The following TRHDE variants were observed in gnomAD, a reference collection of about 807,000 sequenced individuals.
TRHDE encodes the protein thyrotropin releasing hormone degrading enzyme, also known as thyrotropin-releasing hormone-degrading ectoenzyme.
In TRHDE, 72 loss-of-function variants were observed where a neutral mutation model predicts 125.7. The observed-to-expected ratio is 0.57, with a 90% confidence interval of 0.47 to 0.70. The LOEUF is 0.70. Among genes scored for constraint, TRHDE ranks in the 30% least tolerant of loss-of-function variants. The pLI is 0.00. For missense variants in TRHDE, 1,110 were observed against 1,327.1 expected (o/e 0.84, Z 2.54); for synonymous variants, 509 against 509.1 (o/e 1.00, Z 0.00).
chr12:72,087,878 C>T (rs994403532), intron 1 of TRHDE, among the ~76,000 whole-genome samples: 4 of 151,972 alleles, frequency 2.6e-5, no homozygotes, highest in African/African-American at 7.3e-5. Context: ...ATTTACCAGC[C>T]GAGGTGTAGG....
chr12:72,137,429 G>A (rs73135427), intron 2 of TRHDE: 3,710 of 152,262 alleles, frequency 0.024, 65 homozygotes, highest in Non-Finnish European at 0.04. Context: ...CCAGACTGGG[G>A]CTGAGAGCCT....
At position 72,620,729 on chromosome 12, in the gene TRHDE, G is replaced by A. The variant is rs181234596; in HGVS notation, c.2470-379G>A. ...AATATGCCTTGTTGATATAAAATGC[G>A]TAAATATTAGATGTCCATTTTCATA... On this transcript the variant is annotated intron_variant, in intron 13 of 18. Coordinates refer to ENST00000261180, the MANE Select transcript of TRHDE (RefSeq NM_013381.3). Among the ~76,000 whole-genome samples the A allele has an allele frequency of 1.1e-3, 162 of 152,116 alleles. 1 individual carries two copies. The highest frequency in any genetic ancestry group is 1.4e-3 in the Non-Finnish European group (97 of 67,996).
At chr12:72,156,425 C>G (rs1404968225) in intron 2 of TRHDE, among the ~76,000 whole-genome samples, 1 of 152,198 alleles carries the variant, frequency 6.6e-6, no homozygotes, top group Non-Finnish European at 1.5e-5. Flanking sequence ...CCGACATTCC[C>G]CAGTGAGATG....
intron 18 of TRHDE, among the ~76,000 whole-genome samples, chr12:72,661,181 C>T (rs9783519): frequency 6.6e-6 from 1 of 152,138 alleles, no homozygotes; most frequent in Non-Finnish European, 1.5e-5. Context: ...GTTGAGAGTT[C>T]TTTTGCAGGA....
At chr12:72,519,857 C>T (rs1879090594) in intron 6 of TRHDE, among the ~76,000 whole-genome samples, 1 of 152,188 alleles carries the variant, frequency 6.6e-6, no homozygotes, top group South Asian at 2.1e-4. Flanking sequence ...AGTTTTCCTT[C>T]TAACAGACAG....
At chr12:72,616,776 T>C (rs1273551386) in intron 12 of TRHDE, among the ~76,000 whole-genome samples, 1 of 152,128 alleles carries the variant, frequency 6.6e-6, no homozygotes. Context: ...ACATTACTTT[T>C]CTTATTTAAC....
chr12:72,119,418 A>G (rs769760482), intron 2 of TRHDE, among the ~76,000 whole-genome samples: 5 of 152,098 alleles, frequency 3.3e-5, no homozygotes, highest in Non-Finnish European at 7.4e-5. Flanking sequence ...TACTATTTGA[A>G]TTTTTTGAAT....
chr12:72,422,711 T>G (rs1437766139), intron 3 of TRHDE, among the ~76,000 whole-genome samples: 1 of 152,170 alleles, frequency 6.6e-6, no homozygotes, highest in Non-Finnish European at 1.5e-5. Context: ...TTTACTTAGA[T>G]TGGTCCTTTG....
chr12:72,198,841 C>T (rs540286771), intron 2 of TRHDE, among the ~76,000 whole-genome samples: 19 of 152,150 alleles, frequency 1.2e-4, no homozygotes, highest in Non-Finnish European at 2.5e-4. Context: ...TTAATTGACT[C>T]ACAGTTCTGC....
chr12:72,421,032 G>A (rs1027652392), intron 3 of TRHDE, among the ~76,000 whole-genome samples: 3 of 151,298 alleles, frequency 2.0e-5, no homozygotes, highest in African/African-American at 7.3e-5. Context: ...GCAGTGGCGC[G>A]ATCTCAGCTC....
intron 2 of TRHDE, among the ~76,000 whole-genome samples, chr12:72,189,418 T>C (rs1236040025): frequency 6.6e-6 from 1 of 152,182 alleles, no homozygotes; most frequent in Non-Finnish European, 1.5e-5. Context: ...CCTCCAACTT[T>C]CCTGCTTCTC....
chr12:72,499,170 A>G (rs1290390012), intron 5 of TRHDE, among the ~76,000 whole-genome samples: 1 of 152,160 alleles, frequency 6.6e-6, no homozygotes, highest in East Asian at 1.9e-4. Flanking sequence ...AAAATGCACA[A>G]ATAAGTCTGC....
intron 3 of TRHDE, among the ~76,000 whole-genome samples, chr12:72,437,680 T>G (rs1219629176): frequency 2.6e-5 from 4 of 151,862 alleles, no homozygotes; most frequent in African/African-American, 9.7e-5. Context: ...TGCAATTGCA[T>G]GTATTTATCA....
intron 2 of TRHDE, among the ~76,000 whole-genome samples, chr12:72,165,540 G>C (rs1333335568): frequency 6.6e-6 from 1 of 151,872 alleles, no homozygotes; most frequent in Non-Finnish European, 1.5e-5. Flanking sequence ...TTTTTTGGTA[G>C]ATTTATGTGT....
At chr12:72,146,148 T>C (rs1876221957) in intron 2 of TRHDE, among the ~76,000 whole-genome samples, 7 of 152,206 alleles carry the variant, frequency 4.6e-5, no homozygotes, top group Admixed American at 4.6e-4. Flanking sequence ...AGTGTATATT[T>C]AGGAGTGAGG....
chr12:72,530,360 A>G (rs1868480466), intron 6 of TRHDE, among the ~76,000 whole-genome samples: 1 of 143,586 alleles, frequency 7.0e-6, no homozygotes. Context: ...TCTTAAGCAC[A>G]CTTTGTAATG....
chr12:72,566,262 G>T lies in TRHDE; in HGVS notation c.2043-2306G>T, dbSNP rs544031934. ...CTATATGTAGATTTTCGTTATGTGT[G>T]TGCATACACAGAAACACACATAGAG... is the stretch of plus-strand genomic sequence containing the variant. On this transcript the variant is annotated intron_variant, in intron 9 of 18. Coordinates refer to ENST00000261180, the MANE Select transcript of TRHDE (RefSeq NM_013381.3). 1.7e-3 allele frequency among the ~76,000 whole-genome samples: 258 copies of T among 151,778 alleles called. 1 individual carries two copies. Among genetic ancestry groups the T allele is most frequent in the Non-Finnish European group, 1.9e-3 (128 of 67,840 alleles).
intron 8 of TRHDE, among the ~76,000 whole-genome samples, chr12:72,562,432 T>C (rs967643167): frequency 2.6e-5 from 4 of 152,000 alleles, no homozygotes; most frequent in Non-Finnish European, 5.9e-5. Flanking sequence ...TAGTAAATGA[T>C]ACCTCACCTA....
rs1237271931 is a variant in TRHDE, at chr12:72,504,663, C to T, written c.1722+5028C>T. ...CAAGAAGAGTTTAAAGCAGAGGAGT[C>T]AGATAATTAAAATTGCATTCCTAAA... On this transcript the variant is annotated intron_variant, in intron 6 of 18. Transcript: ENST00000261180. 3.9e-5 allele frequency among the ~76,000 whole-genome samples: 6 copies of T among 152,094 alleles called. 1 individual carries two copies. The highest frequency in any genetic ancestry group is 1.4e-4 in the African/African-American group (6 of 41,410).
Sources: gnomAD v4.1 joint callset for allele counts (sites outside exome capture counted in the v4.1 genomes callset) on GRCh38, gnomAD v4.1.1 for gene constraint, MANE v1.5 for transcripts, NCBI Gene and HGNC (gene_info 2026-07-23, HGNC 2026-07-21) for gene names.